The following GTF2A2 variants were observed in gnomAD, a reference collection of about 807,000 sequenced individuals.
The protein encoded by GTF2A2 is transcription initiation factor IIA subunit 2.
In GTF2A2, 9 loss-of-function variants were observed where a neutral mutation model predicts 14.3. That is an observed-to-expected ratio of 0.63 (90% CI 0.38 to 1.10). The LOEUF is 1.10. Among genes scored for constraint, GTF2A2 ranks in the 50% least tolerant of loss-of-function variants. The pLI, the probability that GTF2A2 is intolerant of heterozygous loss-of-function variation, is 0.01. For synonymous variants in GTF2A2, 56 were observed against 46.0 expected (o/e 1.22, Z -0.88); for missense variants, 90 against 124.6 (o/e 0.72, Z 1.32).
rs3053076 is a variant in GTF2A2 at position 59,638,440 on chromosome 15, CATG to C, written c.*689_*691del. 0.29 allele frequency: 44,568 copies of C among 151,748 alleles called. 7,470 individuals carry two copies. The highest frequency in any genetic ancestry group is 0.58 in the East Asian group (2,954 of 5,112). 9.4% of individuals were successfully genotyped at this position (151,748 alleles called of 1,614,324 possible). On this transcript the variant is annotated 3_prime_UTR_variant, in exon 5 of 5. Coordinates refer to ENST00000396060, the MANE Select transcript of GTF2A2 (RefSeq NM_004492.3). ...TATTGTAAGTCTAATGTATCTTGTA[CATG>C]ATAAAATGTATGAACTTTGGATCAA...
chr15:59,644,927 G>T lies in GTF2A2; in HGVS notation c.178-2665C>A, dbSNP rs543427255. ...TGCATTTTTGGTGATGACATAATGG[G>T]TTAGACAGGAGTATGACTAAAGGAA... On this transcript the variant is annotated intron_variant, in intron 3 of 4. Coordinates refer to ENST00000396060, the MANE Select transcript of GTF2A2 (RefSeq NM_004492.3). Among the ~76,000 whole-genome samples the T allele has an allele frequency of 2.6e-5, 4 of 152,310 alleles. No individual in the cohort carries two copies. In the East Asian group the frequency reaches 7.7e-4, roughly 29 times the overall value.
intron 3 of GTF2A2, among the ~76,000 whole-genome samples, chr15:59,647,098 A>G (rs542934879): frequency 1.3e-5 from 2 of 152,080 alleles, no homozygotes; most frequent in South Asian, 4.2e-4. Context: ...ATTTACATAC[A>G]TATAGTTTTT....
rs1282448816 is a variant in GTF2A2, at chr15:59,652,239, G to A, written c.39C>T (p.Asn13=). The A allele has an allele frequency of 6.2e-7, 1 of 1,602,990 alleles. No individual in the cohort carries two copies. Among genetic ancestry groups the A allele is most frequent in the African/African-American group, 1.3e-5 (1 of 74,608 alleles). The change falls in exon 2 of 5, where the codon AAC becomes AAT. Residue 13 remains asparagine, a synonymous_variant. Transcript: ENST00000396060. ...YQLYRNTTLG[N]SLQESLDELI... ...GCTCATCTAGGCTCTCCTGAAGACT[G>A]TTTCCCAAAGTAGTATTTCTGTATA...
intron 4 of GTF2A2, chr15:59,640,228 C>T (rs1425378737): frequency 6.6e-6 from 1 of 151,970 alleles, no homozygotes; most frequent in Admixed American, 6.6e-5. Flanking sequence ...TCTGCTACTT[C>T]TCATCCACTG....
chr15:59,653,051 C>A (rs1178575321), intron 1 of GTF2A2: 1 of 152,224 alleles, frequency 6.6e-6, no homozygotes, highest in Non-Finnish European at 1.5e-5. Flanking sequence ...TCTACATTAT[C>A]AGGGCATAAG....
intron 4 of GTF2A2, chr15:59,640,058 C>G (rs1891353161): frequency 6.6e-6 from 1 of 152,038 alleles, no homozygotes; most frequent in South Asian, 2.1e-4. Context: ...GCCTACTGTC[C>G]CAAACTTCTA....
intron 3 of GTF2A2, among the ~76,000 whole-genome samples, chr15:59,645,510 T>C (rs1891574620): frequency 6.6e-6 from 1 of 152,222 alleles, no homozygotes; most frequent in African/African-American, 2.4e-5. Context: ...TGCATTAGAT[T>C]TAGCAAAAGT....
At chr15:59,640,949 T>C (rs1044783876) in intron 4 of GTF2A2, among the ~76,000 whole-genome samples, 10 of 152,310 alleles carry the variant, frequency 6.6e-5, no homozygotes, top group South Asian at 2.1e-4. Flanking sequence ...CTAGGTAACC[T>C]TCTGAACTAT....
Position 59,652,295 on chromosome 15 carries a change from T to C in GTF2A2, c.-18A>G. 1 of 1,479,552 alleles carries C rather than the reference T, an allele frequency of 6.8e-7. No homozygotes were observed. Among genetic ancestry groups the C allele is most frequent in the Non-Finnish European group, 9.3e-7 (1 of 1,070,658 alleles). 91.7% of individuals were successfully genotyped at this position (1,479,552 alleles called of 1,614,324 possible). A position where few individuals can be genotyped will look rare whatever the true frequency, so the allele number is the denominator to read the frequency against. On this transcript the variant is annotated 5_prime_UTR_variant, in exon 2 of 5. Transcript: ENST00000396060. ...TATGCCATGGCTTAGGAGGAAGAATTTGTTTTTCTTATTCAAGCTTGCATT... is the reference window on the plus strand; with the variant it reads ...TATGCCATGGCTTAGGAGGAAGAATCTGTTTTTCTTATTCAAGCTTGCATT...
intron 1 of GTF2A2, chr15:59,656,922 A>C (rs1299539005): frequency 6.6e-6 from 1 of 152,254 alleles, no homozygotes; most frequent in Non-Finnish European, 1.5e-5. Context: ...TAGAAGTCAA[A>C]TTCGGAAGTA....
At position 59,657,496 on chromosome 15, in the gene GTF2A2, G is replaced by C. The variant is rs1042604082; in HGVS notation, c.-140C>G. 3.3e-5 allele frequency: 5 copies of C among 152,362 alleles called. No homozygotes were observed. The highest frequency in any genetic ancestry group is 6.5e-5 in the Admixed American group (1 of 15,292). 9.4% of individuals were successfully genotyped at this position (152,362 alleles called of 1,614,324 possible). The stretch of plus-strand genomic sequence containing the variant: ...TACTTCTCCGACCACCTCTCCAGCC[G>C]CCGCAGAAACCGCAGAACTGAGCTG... On this transcript the variant is annotated 5_prime_UTR_variant, in exon 1 of 5. Coordinates refer to ENST00000396060, the MANE Select transcript of GTF2A2 (RefSeq NM_004492.3).
chr15:59,648,138 G>A (rs1891667254), intron 3 of GTF2A2, among the ~76,000 whole-genome samples: 1 of 152,008 alleles, frequency 6.6e-6, no homozygotes, highest in African/African-American at 2.4e-5. Context: ...GCCGGGTGCG[G>A]TACCTCACGC....
intron 4 of GTF2A2, among the ~76,000 whole-genome samples, chr15:59,641,059 T>C (rs1891403637): frequency 6.6e-6 from 1 of 152,080 alleles, no homozygotes; most frequent in African/African-American, 2.4e-5. Context: ...TTTATATAGC[T>C]ACTAAAAATC....
chr15:59,638,391 C>T lies in GTF2A2; in HGVS notation c.*741G>A, dbSNP rs1207628004. ...TATTTCTGCAAGCACAATCCACTGA[C>T]ATAAAAGTCTAATAATTAGACTTTA... On this transcript the variant is annotated 3_prime_UTR_variant, in exon 5 of 5. Transcript: ENST00000396060. 6.6e-6 allele frequency: 1 copy of T among 152,102 alleles called. No individual in the cohort carries two copies. Among genetic ancestry groups the T allele is most frequent in the African/African-American group, 2.4e-5 (1 of 41,420 alleles). 9.4% of individuals were successfully genotyped at this position (152,102 alleles called of 1,614,324 possible). A position where few individuals can be genotyped will look rare whatever the true frequency, so the allele number is the denominator to read the frequency against.
At chr15:59,642,687 G>A (rs1891470432) in intron 3 of GTF2A2, among the ~76,000 whole-genome samples, 1 of 152,226 alleles carries the variant, frequency 6.6e-6, no homozygotes, top group Non-Finnish European at 1.5e-5. Flanking sequence ...TTAATCCTGT[G>A]ACTTGGCTCA....
chr15:59,644,110 G>T (rs577178851), intron 3 of GTF2A2, among the ~76,000 whole-genome samples: 1 of 151,982 alleles, frequency 6.6e-6, no homozygotes, highest in Non-Finnish European at 1.5e-5. Flanking sequence ...GGCCAGGCTC[G>T]TCTTAAACTT....
In GTF2A2 at chr15:59,638,572, T is replaced by A. The variant is rs1353826625; in HGVS notation, c.*560A>T. Reference sequence around the variant, plus strand: ...TCTAAGAAGGAAAGTTTTTTGGTTTTGTTTTTGCTATGATTGTCTAACTTT... The same window carrying A: ...TCTAAGAAGGAAAGTTTTTTGGTTTAGTTTTTGCTATGATTGTCTAACTTT... On this transcript the variant is annotated 3_prime_UTR_variant, in exon 5 of 5. Transcript: ENST00000396060. The A allele has an allele frequency of 1.3e-5, 2 of 152,340 alleles. No individual in the cohort carries two copies. The highest frequency in any genetic ancestry group is 4.8e-5 in the African/African-American group (2 of 41,434). The allele number at this position is 152,340 out of a possible 1,614,324, so 9.4% of individuals were successfully genotyped here.
intron 2 of GTF2A2, 156 bp downstream of exon 2, chr15:59,652,050 A>T (rs911391864): frequency 7.0e-6 from 4 of 569,766 alleles, no homozygotes; most frequent in Middle Eastern, 3.2e-4. Flanking sequence ...ACAGTGTAAT[A>T]AACAAGAATT....
At chr15:59,642,013 T>C (rs1295492684) in intron 4 of GTF2A2, 123 bp downstream of exon 4, 3 of 745,440 alleles carry the variant, frequency 4.0e-6, no homozygotes, top group Non-Finnish European at 6.5e-6. Flanking sequence ...AAGCCTGGGC[T>C]TATCTGGGAA....
Sources: gnomAD v4.1 joint callset for allele counts (sites outside exome capture counted in the v4.1 genomes callset) on GRCh38, gnomAD v4.1.1 for gene constraint, MANE v1.5 for transcripts, NCBI Gene and HGNC (gene_info 2026-07-23, HGNC 2026-07-21) for gene names.